CNTN5: variants seen among roughly 807,000 people sequenced by gnomAD.
CNTN5 encodes contactin 5, also known as contactin-5.
Under a neutral mutation model 129.1 loss-of-function variants are expected in CNTN5, and 77 were observed. The observed-to-expected ratio is 0.60, with a 90% CI of 0.50 to 0.72. The LOEUF (loss-of-function observed/expected upper bound fraction) is 0.72, where lower values mean the gene tolerates loss of function less well. Ranked by LOEUF, CNTN5 falls within the 30% of genes least tolerant of loss-of-function variation. The pLI is 0.00. For missense variants in CNTN5, 1,478 were observed against 1,328.8 expected (o/e 1.11, Z -1.75); for synonymous variants, 509 against 465.6 (o/e 1.09, Z -1.20).
intron 3 of CNTN5, among the ~76,000 whole-genome samples, chr11:99,656,732 T>C (rs1215093020): frequency 6.6e-6 from 1 of 152,114 alleles, no homozygotes; most frequent in African/African-American, 2.4e-5. Flanking sequence ...GCAACAAGGC[T>C]GCAAAACACC....
At chr11:100,293,131 A>G (rs1951028845) in intron 18 of CNTN5, among the ~76,000 whole-genome samples, 1 of 151,832 alleles carries the variant, frequency 6.6e-6, no homozygotes, top group Admixed American at 6.6e-5. Context: ...CTTTTTAGCA[A>G]CAAATCTTAT....
chr11:99,544,376 A>T (rs1948219834), intron 2 of CNTN5, among the ~76,000 whole-genome samples: 1 of 141,780 alleles, frequency 7.1e-6, no homozygotes, highest in East Asian at 2.0e-4. Context: ...ATCAGCAGCT[A>T]TTAAAAGACA....
chr11:99,194,286 T>C (rs1056164462), intron 1 of CNTN5, among the ~76,000 whole-genome samples: 22 of 152,174 alleles, frequency 1.4e-4, no homozygotes, highest in South Asian at 4.2e-4. Flanking sequence ...TTCAAAGAGA[T>C]AAAAGTAGCA....
intron 21 of CNTN5, among the ~76,000 whole-genome samples, chr11:100,335,576 C>T (rs377755669): frequency 6.2e-4 from 94 of 152,018 alleles, no homozygotes; most frequent in African/African-American, 2.0e-3. Flanking sequence ...AAGACCAGCC[C>T]GGCCAACATG....
intron 1 of CNTN5, among the ~76,000 whole-genome samples, chr11:99,138,078 AATTT>A (rs1276493481): frequency 1.3e-5 from 2 of 152,176 alleles, no homozygotes; most frequent in African/African-American, 4.8e-5. Flanking sequence ...TTTGAAATAT[AATTT>A]ATTTAGGTCA....
intron 20 of CNTN5, among the ~76,000 whole-genome samples, chr11:100,307,432 C>G (rs1385529065): frequency 6.6e-6 from 1 of 151,550 alleles, no homozygotes; most frequent in African/African-American, 2.4e-5. Context: ...CATGTCAACA[C>G]TAGAAATATT....
At chr11:99,720,262 C>A (rs1429914273) in intron 3 of CNTN5, among the ~76,000 whole-genome samples, 1 of 152,090 alleles carries the variant, frequency 6.6e-6, no homozygotes, top group Non-Finnish European at 1.5e-5. Flanking sequence ...TGGTAAACTT[C>A]AATGCAAAAA....
At chr11:99,500,686 T>C (rs1408332662) in intron 2 of CNTN5, among the ~76,000 whole-genome samples, 2 of 152,168 alleles carry the variant, frequency 1.3e-5, no homozygotes, top group Non-Finnish European at 2.9e-5. Context: ...TCTTAATTTA[T>C]GTATGTATTG....
rs575418362 is a variant in CNTN5, at chr11:99,447,620, A to G, written c.-70-108525A>G. ...CATATTAAAGTAATCAATATGTGTA[A>G]AGTATTTATAAAAGTTCTAGTTATG... On this transcript the variant is annotated intron_variant, in intron 2 of 24. Coordinates refer to ENST00000524871, the MANE Select transcript of CNTN5 (RefSeq NM_014361.4). 8.5e-5 allele frequency among the ~76,000 whole-genome samples: 13 copies of G among 152,334 alleles called. No homozygotes were observed. In the East Asian group the frequency reaches 2.5e-3, roughly 29 times the overall value.
chr11:100,144,329 A>G (rs1350373240), intron 13 of CNTN5, among the ~76,000 whole-genome samples: 1 of 152,116 alleles, frequency 6.6e-6, no homozygotes, highest in Non-Finnish European at 1.5e-5. Flanking sequence ...CTGAAATAAT[A>G]AACATAGTAC....
chr11:99,724,263 G>A (rs999145553), intron 3 of CNTN5, among the ~76,000 whole-genome samples: 1 of 152,014 alleles, frequency 6.6e-6, no homozygotes, highest in African/African-American at 2.4e-5. Context: ...GGGATTTTCT[G>A]TTCTCTGCTT....
At chr11:99,042,365 CTTTTTTTTTTTTTTTT>C (rs1210153589) in intron 1 of CNTN5, among the ~76,000 whole-genome samples, 11 of 83,798 alleles carry the variant, frequency 1.3e-4, no homozygotes, top group African/African-American at 5.6e-4. Flanking sequence ...TCTTCTTCTT[CTTTTTTTTTTTTTTTT>C]TTTTTTTTTT....
rs145261183 is a variant in CNTN5 at position 99,225,273 on chromosome 11, G to A, written c.-209-100073G>A. 2.3e-3 allele frequency among the ~76,000 whole-genome samples: 351 copies of A among 152,204 alleles called. 1 individual carries two copies. The highest frequency in any genetic ancestry group is 8.1e-3 in the African/African-American group (336 of 41,546). On this transcript the variant is annotated intron_variant, in intron 1 of 24. Transcript: ENST00000524871. Reference sequence around the variant, plus strand: ...GTGGCCCTCCGTGTGACAATGTGAAGCCTATAGCAACAGGGCGCTATAGGC... The same window carrying A: ...GTGGCCCTCCGTGTGACAATGTGAAACCTATAGCAACAGGGCGCTATAGGC...
At chr11:99,460,394 T>A (rs1330483872) in intron 2 of CNTN5, among the ~76,000 whole-genome samples, 1 of 151,906 alleles carries the variant, frequency 6.6e-6, no homozygotes, top group Non-Finnish European at 1.5e-5. Flanking sequence ...CTGTTAACTT[T>A]GTTTTATGTG....
chr11:99,359,067 C>T (rs540917903), intron 2 of CNTN5, among the ~76,000 whole-genome samples: 23 of 152,152 alleles, frequency 1.5e-4, no homozygotes, highest in African/African-American at 5.3e-4. Context: ...TTCAATTACC[C>T]CTAAAATGCA....
At chr11:99,410,347 A>G (rs2135004951) in intron 2 of CNTN5, among the ~76,000 whole-genome samples, 1 of 152,268 alleles carries the variant, frequency 6.6e-6, no homozygotes, top group Non-Finnish European at 1.5e-5. Context: ...AAATAGGTGA[A>G]AACAAGGACA....
At chr11:99,975,275 G>A (rs1410325653) in intron 8 of CNTN5, among the ~76,000 whole-genome samples, 3 of 152,172 alleles carry the variant, frequency 2.0e-5, no homozygotes, top group Non-Finnish European at 4.4e-5. Context: ...AGTCATTGGA[G>A]ATTATTTTGG....
intron 4 of CNTN5, among the ~76,000 whole-genome samples, chr11:99,831,490 T>A (rs1201491775): frequency 6.6e-6 from 1 of 152,212 alleles, no homozygotes; most frequent in Non-Finnish European, 1.5e-5. Context: ...GTGCCGGCTG[T>A]TGGCGTTGCA....
At chr11:99,911,628 A>G (rs1376167410) in intron 6 of CNTN5, among the ~76,000 whole-genome samples, 5 of 151,886 alleles carry the variant, frequency 3.3e-5, no homozygotes, top group African/African-American at 7.2e-5. Flanking sequence ...ATTTCCCTCC[A>G]ACACTTTAAA....
Sources: allele counts gnomAD v4.1 joint callset (sites outside exome capture counted in the v4.1 genomes callset), GRCh38; gene constraint gnomAD v4.1.1; transcripts MANE v1.5; gene names NCBI Gene and HGNC (gene_info 2026-07-23, HGNC 2026-07-21).